ZSWIM6: variants seen among roughly 807,000 people sequenced by gnomAD.
ZSWIM6 encodes the protein zinc finger SWIM domain-containing protein 6.
A neutral mutation model predicts 113.2 loss-of-function variants in ZSWIM6; 9 were observed. The observed-to-expected ratio is 0.08, with a 90% CI of 0.05 to 0.14. The LOEUF (loss-of-function observed/expected upper bound fraction) is 0.14, where lower values mean the gene tolerates loss of function less well. ZSWIM6 is among the 10% of genes least tolerant of loss of function. The probability of loss-of-function intolerance (pLI) is 1.00; values close to 1 mark genes in which losing one functional copy is unlikely to be tolerated. For missense variants in ZSWIM6, 1,162 were observed against 1,552.2 expected (o/e 0.75, Z 4.22); for synonymous variants, 611 against 606.5 (o/e 1.01, Z -0.11).
At chr5:61,402,442 T>C (rs1745956803) in intron 1 of ZSWIM6, among the ~76,000 whole-genome samples, 1 of 152,222 alleles carries the variant, frequency 6.6e-6, no homozygotes, top group African/African-American at 2.4e-5. Flanking sequence ...ATTTGTTTTC[T>C]GATTTATATG....
At chr5:61,359,487 G>A (rs903824137) in intron 1 of ZSWIM6, among the ~76,000 whole-genome samples, 1 of 152,122 alleles carries the variant, frequency 6.6e-6, no homozygotes, top group Non-Finnish European at 1.5e-5. Flanking sequence ...GAGGGGGAGT[G>A]CCTTCATCCA....
At chr5:61,424,884 C>A (rs527491745) in intron 1 of ZSWIM6, among the ~76,000 whole-genome samples, 11 of 151,854 alleles carry the variant, frequency 7.2e-5, no homozygotes, top group Non-Finnish European at 1.0e-4. Flanking sequence ...CCCGCCACCA[C>A]GCCCGTCTAA....
rs75429795 is a variant in ZSWIM6 at position 61,332,584 on chromosome 5, G to A, written c.312G>A (p.Pro104=). 6 of 1,348,488 alleles carry A rather than the reference G, an allele frequency of 4.4e-6. No homozygotes were observed. Among genetic ancestry groups the A allele is most frequent in the Non-Finnish European group, 5.9e-6 (6 of 1,021,812 alleles). The allele number at this position is 1,348,488 out of a possible 1,614,324, so 83.5% of individuals were successfully genotyped here. A position where few individuals can be genotyped will look rare whatever the true frequency, so the allele number is the denominator to read the frequency against. Reference sequence around the variant, plus strand: ...AGCGCTTTGAGCGCATCCCGGAGCCGGTGCAGCGCCGCATAGTCTATTGGT... The same window carrying A: ...AGCGCTTTGAGCGCATCCCGGAGCCAGTGCAGCGCCGCATAGTCTATTGGT... ...VEERFERIPE[P]VQRRIVYWSF... is the part of the protein sequence containing the mutation. The change falls in exon 1 of 14, where the codon CCG becomes CCA. Residue 104 remains proline, a synonymous_variant. Transcript: ENST00000252744.
At chr5:61,448,599 G>T (rs1175844824) in intron 1 of ZSWIM6, among the ~76,000 whole-genome samples, 2 of 149,988 alleles carry the variant, frequency 1.3e-5, no homozygotes, top group African/African-American at 4.9e-5. Flanking sequence ...TCTGTTTGGG[G>T]GAGGAGGGTA....
At chr5:61,372,019 T>TG (rs1310370775) in intron 1 of ZSWIM6, among the ~76,000 whole-genome samples, 2 of 152,074 alleles carry the variant, frequency 1.3e-5, no homozygotes, top group Non-Finnish European at 2.9e-5. Flanking sequence ...GAGATTTTTT[T>TG]TTTTTGTTGA....
intron 1 of ZSWIM6, among the ~76,000 whole-genome samples, chr5:61,466,779 C>T (rs1268438415): frequency 6.6e-6 from 1 of 151,822 alleles, no homozygotes; most frequent in Non-Finnish European, 1.5e-5. Context: ...ATTTTAAAAT[C>T]CCTTTTTTTT....
chr5:61,522,690 C>A (rs975021716), intron 5 of ZSWIM6, among the ~76,000 whole-genome samples: 2 of 152,086 alleles, frequency 1.3e-5, no homozygotes, highest in Non-Finnish European at 2.9e-5. Context: ...TTAATAACTT[C>A]GAAGAAAATA....
chr5:61,418,375 C>A (rs993376479), intron 1 of ZSWIM6, among the ~76,000 whole-genome samples: 16 of 152,054 alleles, frequency 1.1e-4, no homozygotes, highest in Non-Finnish European at 1.9e-4. Flanking sequence ...TCAAGTGATT[C>A]TCCTGCCTCA....
intron 1 of ZSWIM6, among the ~76,000 whole-genome samples, chr5:61,449,277 T>G (rs1747034488): frequency 6.6e-6 from 1 of 152,176 alleles, no homozygotes; most frequent in Non-Finnish European, 1.5e-5. Context: ...CTTAAAGAGG[T>G]CACACATTGA....
rs568120794 is a variant in ZSWIM6 at position 61,504,221 on chromosome 5, T to A, written c.1333+9811T>A. On this transcript the variant is annotated intron_variant, in intron 4 of 13. Transcript: ENST00000252744. ...GCCTTCTCCACCCATGTGCACAATATTCATGGGTGCCTGTGTGTGCCTGGA... is the reference window on the plus strand; with the variant it reads ...GCCTTCTCCACCCATGTGCACAATAATCATGGGTGCCTGTGTGTGCCTGGA... Among the ~76,000 whole-genome samples, 6 of 152,308 alleles carry A rather than the reference T, an allele frequency of 3.9e-5. No homozygotes were observed. In the East Asian group the frequency reaches 1.2e-3, roughly 29 times the overall value.
At chr5:61,361,623 G>A (rs1745033303) in intron 1 of ZSWIM6, among the ~76,000 whole-genome samples, 2 of 152,292 alleles carry the variant, frequency 1.3e-5, no homozygotes, top group South Asian at 4.1e-4. Flanking sequence ...CATGATACTG[G>A]ATTTTCATGT....
chr5:61,508,803 A>G (rs1748697491), intron 4 of ZSWIM6, among the ~76,000 whole-genome samples: 1 of 152,060 alleles, frequency 6.6e-6, no homozygotes. Context: ...TTCTATATAT[A>G]AGAAGTCTGG....
intron 2 of ZSWIM6, among the ~76,000 whole-genome samples, chr5:61,478,724 TG>T: frequency 6.6e-6 from 1 of 151,986 alleles, no homozygotes; most frequent in African/African-American, 2.4e-5. Flanking sequence ...TGTGTGTGTG[TG>T]TGTGAATTTG....
At chr5:61,337,336 T>C (rs1016890208) in intron 1 of ZSWIM6, among the ~76,000 whole-genome samples, 1 of 152,120 alleles carries the variant, frequency 6.6e-6, no homozygotes, top group Non-Finnish European at 1.5e-5. Flanking sequence ...TGAGATGCCA[T>C]TTTCTTCTAC....
chr5:61,340,658 AGT>A (rs1292211229), intron 1 of ZSWIM6, among the ~76,000 whole-genome samples: 1 of 152,180 alleles, frequency 6.6e-6, no homozygotes, highest in African/African-American at 2.4e-5. Flanking sequence ...AATTGTTTAG[AGT>A]GGCATAGGAA....
intron 4 of ZSWIM6, among the ~76,000 whole-genome samples, chr5:61,510,575 C>G (rs996964460): frequency 2.6e-5 from 4 of 151,130 alleles, no homozygotes. Flanking sequence ...ACAGTGCCAT[C>G]TTTTTGCTAA....
At chr5:61,508,860 G>A (rs907642100) in intron 4 of ZSWIM6, among the ~76,000 whole-genome samples, 1 of 152,106 alleles carries the variant, frequency 6.6e-6, no homozygotes, top group Admixed American at 6.6e-5. Context: ...CTATCCACAT[G>A]GAGAGGCCAT....
At chr5:61,414,563 G>T (rs912193308) in intron 1 of ZSWIM6, among the ~76,000 whole-genome samples, 1 of 152,164 alleles carries the variant, frequency 6.6e-6, no homozygotes, top group African/African-American at 2.4e-5. Flanking sequence ...ATTAGTTATG[G>T]TTTTTAAATT....
chr5:61,452,007 A>C (rs1171990508), intron 1 of ZSWIM6, among the ~76,000 whole-genome samples: 1 of 152,118 alleles, frequency 6.6e-6, no homozygotes, highest in Non-Finnish European at 1.5e-5. Flanking sequence ...CCGCTACTCA[A>C]CCTTAACAAT....
Sources: gnomAD v4.1 joint callset for allele counts (sites outside exome capture counted in the v4.1 genomes callset) on GRCh38, gnomAD v4.1.1 for gene constraint, MANE v1.5 for transcripts, NCBI Gene and HGNC (gene_info 2026-07-23, HGNC 2026-07-21) for gene names.